The following DMD variants were observed in gnomAD, a reference collection of about 807,000 sequenced individuals.
DMD encodes mutant dystrophin.
Under a neutral mutation model 330.1 loss-of-function variants are expected in DMD, and 63 were observed. That is an observed-to-expected ratio of 0.19 (90% CI 0.16 to 0.24). DMD has a LOEUF of 0.24. Among genes scored for constraint, DMD ranks in the 10% least tolerant of loss-of-function variants. The pLI is 1.00. For synonymous variants in DMD, 1,223 were observed against 959.8 expected, an observed-to-expected ratio of 1.27 and a Z score of -5.07; for missense variants, 3,344 against 2,684.1, an observed-to-expected ratio of 1.25 and a Z score of -5.43.
Position 31,510,057 on chromosome X carries a change from G to A in DMD, c.8218-2604C>T, listed in dbSNP as rs762544270. On this transcript the variant is annotated intron_variant, in intron 55 of 78. Transcript: ENST00000357033. ...TCTTCTGTCAGTACTGCTTTTCTAG[G>A]TCATGATGGTGATACAGAGCTGTAA... Among the ~76,000 whole-genome samples the A allele has an allele frequency of 2.7e-5, 3 of 112,132 alleles. No homozygotes were observed. In the South Asian group the frequency reaches 1.1e-3, roughly 41 times the overall value.
chrX:33,237,307 G>A (rs756636166), intron 1 of DMD, among the ~76,000 whole-genome samples: 1 of 105,400 alleles, frequency 9.5e-6, no homozygotes, highest in Admixed American at 1.0e-4. Flanking sequence ...ACAATGGCGC[G>A]ATCTCGGCTC....
intron 12 of DMD, among the ~76,000 whole-genome samples, chrX:32,605,581 C>CA (rs200645650): frequency 0.14 from 15,273 of 108,694 alleles, 893 homozygotes; most frequent in Middle Eastern, 0.2. Context: ...AACAAACAAA[C>CA]AAAAAAACAA....
intron 61 of DMD, among the ~76,000 whole-genome samples, chrX:31,330,689 C>G (rs1350480462): frequency 8.9e-6 from 1 of 111,792 alleles, no homozygotes; most frequent in African/African-American, 3.2e-5. Context: ...GTATTTCTAT[C>G]GTTTTCATTT....
intron 44 of DMD, among the ~76,000 whole-genome samples, chrX:32,137,544 T>C (rs1416496510): frequency 9.0e-6 from 1 of 111,520 alleles, no homozygotes; most frequent in African/African-American, 3.3e-5. Flanking sequence ...TGGCCTTTCA[T>C]TGAGTAAAAG....
intron 2 of DMD, among the ~76,000 whole-genome samples, chrX:32,894,515 T>C (rs2085524525): frequency 8.9e-6 from 1 of 112,685 alleles, no homozygotes; most frequent in South Asian, 3.6e-4. Flanking sequence ...ATAGCATTTT[T>C]ACTTAACCCT....
intron 4 of DMD, among the ~76,000 whole-genome samples, chrX:32,843,730 G>A (rs1416698229): frequency 8.9e-6 from 1 of 111,745 alleles, no homozygotes; most frequent in Non-Finnish European, 1.9e-5. Flanking sequence ...CTGGTGAAAT[G>A]TATTGGTCGA....
At chrX:31,522,906 A>G (rs1400987147) in intron 55 of DMD, among the ~76,000 whole-genome samples, 1 of 111,352 alleles carries the variant, frequency 9.0e-6, no homozygotes, top group Non-Finnish European at 1.9e-5. Context: ...CAGACAGTCT[A>G]TGTTGTCTTT....
At chrX:32,786,514 A>C (rs985194180) in intron 7 of DMD, among the ~76,000 whole-genome samples, 1 of 111,596 alleles carries the variant, frequency 9.0e-6, no homozygotes, top group African/African-American at 3.3e-5. Context: ...TTCTACTTTA[A>C]TTATTTAATG....
At position 32,017,176 on chromosome X, in the gene DMD, T is replaced by C. The variant is rs147476628; in HGVS notation, c.6439-48662A>G. On this transcript the variant is annotated intron_variant, in intron 44 of 78. Coordinates refer to ENST00000357033, the MANE Select transcript of DMD (RefSeq NM_004006.3). ...TCCTTTTTACCTTTTGATTGGTTAT[T>C]GTTTGGGCAAACACTCATTGTCAAC... Among the ~76,000 whole-genome samples, 18 of 112,250 alleles carry C rather than the reference T, an allele frequency of 1.6e-4. 1 individual carries two copies. In the East Asian group the frequency reaches 5.1e-3, roughly 32 times the overall value.
Position 31,774,270 on chromosome X carries a change from T to G in DMD, c.7310-78A>C, listed in dbSNP as rs1053725870. On this transcript the variant is annotated intron_variant, in intron 50 of 78. Coordinates refer to ENST00000357033, the MANE Select transcript of DMD (RefSeq NM_004006.3). The stretch of plus-strand genomic sequence containing the variant: ...AGAAACACAAGCTAAAGAGCCAATT[T>G]CAATAACAATAAGTCAAATTTAATT... 3 of 670,176 alleles carry G rather than the reference T, an allele frequency of 4.5e-6. No individual in the cohort carries two copies. The African/African-American group carries it at 6.6e-5, about 15-fold the overall frequency. 55.2% of individuals were successfully genotyped at this position (670,176 alleles called of 1,213,427 possible).
At chrX:32,667,019 G>A (rs772411146) in intron 9 of DMD, among the ~76,000 whole-genome samples, 1 of 109,279 alleles carries the variant, frequency 9.2e-6, no homozygotes, top group South Asian at 3.9e-4. Flanking sequence ...TGGAAACAAC[G>A]TTTAAGTATC....
chrX:33,002,850 GAAAAAAAA>G (rs145168802), intron 2 of DMD, among the ~76,000 whole-genome samples: 3 of 38,747 alleles, frequency 7.7e-5, no homozygotes, highest in African/African-American at 2.1e-4. Flanking sequence ...TTTTTTTCTC[GAAAAAAAA>G]AAAAAAAAAA....
chrX:33,193,890 C>T (rs567133190), intron 1 of DMD, among the ~76,000 whole-genome samples: 2 of 111,126 alleles, frequency 1.8e-5, no homozygotes, highest in Admixed American at 1.9e-4. Context: ...TAATTCAAAA[C>T]ACATTTATAA....
chrX:32,489,094 C>T (rs900059725), intron 20 of DMD, among the ~76,000 whole-genome samples: 3 of 111,370 alleles, frequency 2.7e-5, no homozygotes, highest in Non-Finnish European at 5.6e-5. Flanking sequence ...GTTTAAACCA[C>T]TGTTCCTAGC....
chrX:32,346,987 A>C (rs2147046219), intron 38 of DMD, among the ~76,000 whole-genome samples: 1 of 111,686 alleles, frequency 9.0e-6, no homozygotes, highest in East Asian at 2.8e-4. Context: ...ACAAATAATA[A>C]ATTTCAAAAG....
intron 13 of DMD, among the ~76,000 whole-genome samples, chrX:32,591,404 C>T (rs1480095717): frequency 8.9e-6 from 1 of 111,962 alleles, no homozygotes; most frequent in Admixed American, 9.5e-5. Flanking sequence ...AGAGCATCTT[C>T]TATAAGCTAT....
At position 32,684,022 on chromosome X, in the gene DMD, C is replaced by CAT. The variant is rs1416969928; in HGVS notation, c.960+13847_960+13848insAT. Among the ~76,000 whole-genome samples the CAT allele has an allele frequency of 2.9e-3, 266 of 91,089 alleles. 1 individual carries two copies. The highest frequency in any genetic ancestry group is 0.015 in the African/African-American group (255 of 16,800). The allele number at this position is 91,089 out of a possible 115,157, so 79.1% of individuals were successfully genotyped here. ...ACACACACACACACACATACATACA[C>CAT]ACACACACACACACACACACACACA... On this transcript the variant is annotated intron_variant, in intron 9 of 78. Coordinates refer to ENST00000357033, the MANE Select transcript of DMD (RefSeq NM_004006.3).
chrX:32,402,231 A>G (rs1287961489), intron 30 of DMD, among the ~76,000 whole-genome samples: 2 of 111,761 alleles, frequency 1.8e-5, no homozygotes, highest in African/African-American at 6.5e-5. Flanking sequence ...TTTGCTATGC[A>G]TCAAAATAAT....
At chrX:33,016,032 GCC>G (rs1482680993) in intron 2 of DMD, among the ~76,000 whole-genome samples, 2 of 110,370 alleles carry the variant, frequency 1.8e-5, no homozygotes, top group East Asian at 5.7e-4. Flanking sequence ...CAAGAGTTTT[GCC>G]CAGGCCTTTC....
Sources: gnomAD v4.1 joint callset for allele counts (sites outside exome capture counted in the v4.1 genomes callset) on GRCh38, gnomAD v4.1.1 for gene constraint, MANE v1.5 for transcripts, NCBI Gene and HGNC (gene_info 2026-07-23, HGNC 2026-07-21) for gene names.